The following PDE4A variants were observed in gnomAD, a reference collection of about 807,000 sequenced individuals.
PDE4A encodes phosphodiesterase 4A, also known as 3',5'-cyclic-AMP phosphodiesterase 4A.
A neutral mutation model predicts 73.9 loss-of-function variants in PDE4A; 21 were observed. The observed-to-expected ratio is 0.28, with a 90% CI of 0.20 to 0.41. The LOEUF (loss-of-function observed/expected upper bound fraction) is 0.41, where lower values mean the gene tolerates loss of function less well. Among genes scored for constraint, PDE4A ranks in the 10% least tolerant of loss-of-function variants. The probability of loss-of-function intolerance (pLI) is 1.00; values close to 1 mark genes in which losing one functional copy is unlikely to be tolerated. For synonymous variants in PDE4A, 463 were observed against 505.4 expected (o/e 0.92, Z 1.13); for missense variants, 958 against 1,211.4 (o/e 0.79, Z 3.10).
intron 1 of PDE4A, among the ~76,000 whole-genome samples, chr19:10,436,947 G>A (rs2042873090): frequency 6.6e-6 from 1 of 152,124 alleles, no homozygotes; most frequent in African/African-American, 2.4e-5. Context: ...ACTGAGTCAG[G>A]AGAATTGCTT....
chr19:10,433,814 C>T (rs892356322), intron 1 of PDE4A, among the ~76,000 whole-genome samples: 2 of 152,254 alleles, frequency 1.3e-5, no homozygotes, highest in African/African-American at 4.8e-5. Flanking sequence ...CTGCCTGGCA[C>T]CACCTACAAG....
intron 1 of PDE4A, among the ~76,000 whole-genome samples, chr19:10,425,116 C>T (rs186961097): frequency 2.0e-5 from 3 of 151,802 alleles, no homozygotes; most frequent in Admixed American, 2.0e-4. Context: ...CCTAGCTACT[C>T]GGGAGGCTGA....
chr19:10,452,856 C>G, intron 6 of PDE4A: 4 of 438,240 alleles, frequency 9.1e-6, no homozygotes, highest in Non-Finnish European at 1.2e-5. Flanking sequence ...GCTCTGATGC[C>G]CCTTTAATAC....
chr19:10,430,045 TG>T (rs2042766924), intron 1 of PDE4A, among the ~76,000 whole-genome samples: 1 of 151,712 alleles, frequency 6.6e-6, no homozygotes, highest in African/African-American at 2.4e-5. Flanking sequence ...TGGGGGATTC[TG>T]GGGGTACTGA....
chr19:10,454,660 A>G (rs2043144340), intron 6 of PDE4A, 169 bp from the exon 7 acceptor site: 2 of 726,434 alleles, frequency 2.8e-6, no homozygotes, highest in Admixed American at 1.3e-4. Flanking sequence ...AGCTGGGAGG[A>G]CAGGAAAGGC....
chr19:10,461,053 T>C lies in PDE4A; in HGVS notation c.1415T>C (p.Ile472Thr), dbSNP rs772002788. ...CTCGCCGCCCTCTTCGCGGCTGCCA[T>C]CCACGATGTGGATCACCCTGGGGTC... ...EILAALFAAAIHDVDHPGVSN... is the reference protein window; with the variant it reads ...EILAALFAAATHDVDHPGVSN... Residue 472 changes from isoleucine (I) to threonine (T), a missense_variant, in exon 11 of 15, where the codon ATC (isoleucine) becomes ACC (threonine). By Grantham distance (89) the Ile-to-Thr change is moderately conservative (BLOSUM62 -1). This residue lies in a region of PDE4A where 570 missense variants were observed against 827.7 expected (regional missense o/e 0.69). Transcript: ENST00000380702. The C allele has an allele frequency of 1.2e-6, 2 of 1,613,636 alleles. No homozygotes were observed. Among genetic ancestry groups the C allele is most frequent in the Admixed American group, 3.3e-5 (2 of 59,966 alleles).
intron 11 of PDE4A, 43 bp downstream of exon 11, chr19:10,461,146 C>A (rs554326038): frequency 1.9e-6 from 3 of 1,589,144 alleles, no homozygotes; most frequent in East Asian, 2.3e-5. Flanking sequence ...GAGTTGGAGG[C>A]GGTGTTGGCC....
chr19:10,434,283 C>A (rs2042835246), intron 1 of PDE4A, among the ~76,000 whole-genome samples: 1 of 150,188 alleles, frequency 6.7e-6, no homozygotes, highest in Non-Finnish European at 1.5e-5. Flanking sequence ...TGGCTCAATG[C>A]AACCTCTGCC....
chr19:10,438,477 C>A (rs578208648), intron 1 of PDE4A, among the ~76,000 whole-genome samples: 1 of 152,202 alleles, frequency 6.6e-6, no homozygotes, highest in South Asian at 2.1e-4. Flanking sequence ...TCTCCCCCAG[C>A]CGCTGGCACC....
intron 1 of PDE4A, among the ~76,000 whole-genome samples, chr19:10,438,598 TG>T (rs1672826789): frequency 6.6e-6 from 1 of 152,098 alleles, no homozygotes; most frequent in African/African-American, 2.4e-5. Context: ...CTGAGCATAA[TG>T]TTTTTTTGTT....
At chr19:10,452,514 G>A (rs1296071029) in intron 6 of PDE4A, among the ~76,000 whole-genome samples, 1 of 151,944 alleles carries the variant, frequency 6.6e-6, no homozygotes, top group African/African-American at 2.4e-5. Flanking sequence ...GTCTGGATGT[G>A]GGTCTGTGCC....
rs1292862517 is a variant in PDE4A, at chr19:10,458,122, G to A, written c.1101+20G>A. Reference sequence around the variant, plus strand: ...GCCCAAGTGGGTGGGGGCTCAGTAGGGGCAGGGCTGGAGGGGGTGGTCTCC... The same window carrying A: ...GCCCAAGTGGGTGGGGGCTCAGTAGAGGCAGGGCTGGAGGGGGTGGTCTCC... On this transcript the variant is annotated intron_variant, in intron 8 of 14. Transcript: ENST00000380702. The surrounding 1 kb of genome is among the most constrained non-coding windows in gnomAD (Gnocchi z 4.6). 4 of 1,612,096 alleles carry A rather than the reference G, an allele frequency of 2.5e-6. No homozygotes were observed. The South Asian group carries it at 3.3e-5, about 13-fold the overall frequency.
intron 4 of PDE4A, 65 bp from the exon 5 acceptor site, chr19:10,450,538 G>A (rs2043072565): frequency 1.3e-6 from 2 of 1,533,062 alleles, no homozygotes; most frequent in South Asian, 1.2e-5. Flanking sequence ...TCATGAAAGC[G>A]GGAGGCAGGG....
intron 14 of PDE4A, among the ~76,000 whole-genome samples, chr19:10,466,306 A>G (rs1054998416): frequency 6.7e-6 from 1 of 148,202 alleles, no homozygotes; most frequent in Non-Finnish European, 1.5e-5. Flanking sequence ...TTAGCCAGGC[A>G]CGATGGCGGG....
In PDE4A at chr19:10,467,637, C is replaced by A; in HGVS notation, c.*16C>A. 5 of 1,522,200 alleles carry A rather than the reference C, an allele frequency of 3.3e-6. No individual in the cohort carries two copies. The highest frequency in any genetic ancestry group is 4.4e-6 in the Non-Finnish European group (5 of 1,132,702). The allele number at this position is 1,522,200 out of a possible 1,614,324, so 94.3% of individuals were successfully genotyped here. ...CCCTACCTGATCCCCAGACCTCTGT[C>A]CCTGTTCCCCTCCACTCCTCCCCTC... is the stretch of plus-strand genomic sequence containing the variant. On this transcript the variant is annotated 3_prime_UTR_variant, in exon 15 of 15. Transcript: ENST00000380702.
intron 10 of PDE4A, among the ~76,000 whole-genome samples, chr19:10,460,115 C>T (rs1224425912): frequency 2.6e-5 from 4 of 151,870 alleles, no homozygotes; most frequent in Non-Finnish European, 5.9e-5. Flanking sequence ...AAACTCCCAA[C>T]CTCGTGATCA....
At chr19:10,464,243 G>A (rs778728651) in intron 14 of PDE4A, among the ~76,000 whole-genome samples, 16 of 151,838 alleles carry the variant, frequency 1.1e-4, no homozygotes, top group Non-Finnish European at 1.9e-4. Context: ...GATTACAGGC[G>A]TGCACCACCA....
upstream of PDE4A, chr19:10,419,053 A>AT: frequency 3.0e-6 from 2 of 677,936 alleles, no homozygotes; most frequent in Non-Finnish European, 3.5e-6. Context: ...GAAGACCGGC[A>AT]GTCTTTTTTT....
intron 1 of PDE4A, among the ~76,000 whole-genome samples, chr19:10,432,076 G>C (rs1384231265): frequency 6.6e-6 from 1 of 151,900 alleles, no homozygotes; most frequent in Non-Finnish European, 1.5e-5. Context: ...GTCAGGGCGG[G>C]GAGGGGGGAA....
Sources: allele counts gnomAD v4.1 joint callset (sites outside exome capture counted in the v4.1 genomes callset), GRCh38; gene constraint gnomAD v4.1.1; regional missense constraint gnomAD v4.1.1; non-coding constraint Gnocchi (gnomAD v3.1); transcripts MANE v1.5; gene names NCBI Gene and HGNC (gene_info 2026-07-23, HGNC 2026-07-21).